TMEM9: variants seen among roughly 807,000 people sequenced by gnomAD.
TMEM9 encodes proton-transporting V-type ATPase complex assembly regulator TMEM9.
A neutral mutation model predicts 22.8 loss-of-function variants in TMEM9; 13 were observed. The observed-to-expected ratio is 0.57, with a 90% CI of 0.37 to 0.91. TMEM9 has a LOEUF of 0.91. TMEM9 is among the 40% of genes least tolerant of loss of function. The probability of loss-of-function intolerance (pLI) is 0.01; values close to 1 mark genes in which losing one functional copy is unlikely to be tolerated. For synonymous variants in TMEM9, 88 were observed against 93.0 expected (o/e 0.95, Z 0.31); for missense variants, 182 against 238.1 (o/e 0.76, Z 1.55).
chr1:201,143,990 A>G (rs3738266), intron 3 of TMEM9, 39 bp from the exon 4 acceptor site: 1,525,139 of 1,609,936 alleles, frequency 0.95, 722,724 homozygotes, highest in South Asian at 0.96. Context: ...CCATTATCTG[A>G]GGCCAGGGCT....
intron 4 of TMEM9, among the ~76,000 whole-genome samples, chr1:201,143,354 G>A (rs1267033566): frequency 6.6e-6 from 1 of 152,156 alleles, no homozygotes; most frequent in Non-Finnish European, 1.5e-5. Flanking sequence ...TTCCTCTTCC[G>A]CTCTTGAAAT....
At chr1:201,166,409 T>C (rs1274468908) in intron 1 of TMEM9, among the ~76,000 whole-genome samples, 2 of 151,088 alleles carry the variant, frequency 1.3e-5, no homozygotes, top group Admixed American at 6.6e-5. Flanking sequence ...TCACCCAGGC[T>C]AGAAATGCAG....
At chr1:201,153,734 G>A (rs1166874752) in intron 1 of TMEM9, 124 bp downstream of exon 1, 2 of 1,556,190 alleles carry the variant, frequency 1.3e-6, no homozygotes, top group Non-Finnish European at 1.7e-6. Flanking sequence ...ACTAAAAGAA[G>A]TATGGCCCAT....
At chr1:201,160,636 T>TA (rs1558120731) in intron 1 of TMEM9, among the ~76,000 whole-genome samples, 4 of 9,474 alleles carry the variant, frequency 4.2e-4, no homozygotes, top group Admixed American at 1.7e-3. Flanking sequence ...TTTTTTTTTT[T>TA]TAAAATCGAG....
intron 4 of TMEM9, among the ~76,000 whole-genome samples, 154 bp from the exon 5 acceptor site, chr1:201,135,969 G>A (rs563057263): frequency 6.6e-6 from 1 of 152,328 alleles, no homozygotes; most frequent in Admixed American, 6.5e-5. Context: ...TGAGGACCTT[G>A]CCTTGTCATC....
chr1:201,143,597 C>T (rs1206484803), intron 4 of TMEM9, among the ~76,000 whole-genome samples: 1 of 152,244 alleles, frequency 6.6e-6, no homozygotes, highest in Non-Finnish European at 1.5e-5. Context: ...ATGGCTCCCC[C>T]GGCTTGTACA....
At position 201,151,853 on chromosome 1, in the gene TMEM9, C is replaced by T; in HGVS notation, c.67-1G>A. 6.2e-7 allele frequency: 1 copy of T among 1,612,770 alleles called. No homozygotes were observed. Among genetic ancestry groups the T allele is most frequent in the Admixed American group, 1.7e-5 (1 of 60,014 alleles). On this transcript the variant is annotated splice_acceptor_variant, in intron 1 of 4. Transcript: ENST00000367330. LOFTEE classifies it high-confidence loss of function. ...ATTTGCACCGGATATCTTCAGAACTCTGGAAAAGAAAGCACATGTCAAGTA... is the reference window on the plus strand; with the variant it reads ...ATTTGCACCGGATATCTTCAGAACTTTGGAAAAGAAAGCACATGTCAAGTA...
At chr1:201,158,439 T>TGGGGGC (rs1300416255), upstream of TMEM9, among the ~76,000 whole-genome samples, 8 of 14,860 alleles carry the variant, frequency 5.4e-4, no homozygotes, top group East Asian at 0.016. Context: ...TGGTGGGGGG[T>TGGGGGC]GGGGGCGGGG....
chr1:201,160,721 A>G (rs1207383089), intron 1 of TMEM9, among the ~76,000 whole-genome samples: 3 of 152,130 alleles, frequency 2.0e-5, no homozygotes, highest in South Asian at 4.1e-4. Flanking sequence ...CAGATCACGA[A>G]GTCAGGAGAT....
At chr1:201,147,274 C>T (rs1307382884) in intron 2 of TMEM9, among the ~76,000 whole-genome samples, 1 of 152,158 alleles carries the variant, frequency 6.6e-6, no homozygotes, top group African/African-American at 2.4e-5. Flanking sequence ...GTGCATGTCC[C>T]ATAGAGACCA....
At chr1:201,144,553 G>T (rs1167859927) in intron 3 of TMEM9, 4 of 152,624 alleles carry the variant, frequency 2.6e-5, no homozygotes, top group African/African-American at 9.7e-5. Flanking sequence ...AAAGCCAAGG[G>T]TAGAACAACA....
chr1:201,156,867 C>A (rs1665810891), upstream of TMEM9, among the ~76,000 whole-genome samples: 1 of 152,184 alleles, frequency 6.6e-6, no homozygotes, highest in South Asian at 2.1e-4. Flanking sequence ...ACAGACAAAT[C>A]ACATGCAACT....
intron 1 of TMEM9, among the ~76,000 whole-genome samples, chr1:201,162,024 T>C (rs746564824): frequency 7.9e-5 from 12 of 152,248 alleles, no homozygotes; most frequent in Non-Finnish European, 1.5e-4. Context: ...TATAGGGTGA[T>C]TGAATAATAA....
intron 1 of TMEM9, among the ~76,000 whole-genome samples, chr1:201,162,385 C>T (rs1665968372): frequency 6.6e-6 from 1 of 152,020 alleles, no homozygotes; most frequent in Non-Finnish European, 1.5e-5. Flanking sequence ...AATCCTCCCA[C>T]CTCGGCCTCC....
rs144662228 is a variant in TMEM9, at chr1:201,137,471, AACACACACACACACACACACAC to A, written c.400-1678_400-1657del. ...AGGAATTATAGTTACCAAATTATCT[AACACACACACACACACACACAC>A]ACACACACACACACACACACACAGA... On this transcript the variant is annotated intron_variant, in intron 4 of 4. Coordinates refer to ENST00000367330, the MANE Select transcript of TMEM9 (RefSeq NM_001288565.2). 1.2e-4 allele frequency among the ~76,000 whole-genome samples: 17 copies of A among 146,562 alleles called. No homozygotes were observed. The South Asian group carries it at 1.3e-3, about 12-fold the overall frequency.
At chr1:201,138,264 G>A (rs1050204058) in intron 4 of TMEM9, among the ~76,000 whole-genome samples, 2 of 152,220 alleles carry the variant, frequency 1.3e-5, no homozygotes, top group Non-Finnish European at 2.9e-5. Context: ...GGAACATGCT[G>A]AAATTCACCA....
At chr1:201,149,619 T>TA (rs1260635404) in intron 2 of TMEM9, among the ~76,000 whole-genome samples, 3 of 152,136 alleles carry the variant, frequency 2.0e-5, no homozygotes, top group Non-Finnish European at 4.4e-5. Flanking sequence ...CACAGGAACA[T>TA]ACATGGCTTG....
upstream of TMEM9, among the ~76,000 whole-genome samples, chr1:201,158,323 T>C (rs1665855048): frequency 6.6e-6 from 1 of 151,824 alleles, no homozygotes; most frequent in Non-Finnish European, 1.5e-5. Flanking sequence ...AGCCACCAGG[T>C]TTATGGTAAT....
rs148009889 is a variant in TMEM9, at chr1:201,161,089, C to CA, written c.-36-7131dup. Among the ~76,000 whole-genome samples the CA allele has an allele frequency of 4.3e-3, 655 of 151,888 alleles. 4 individuals carry two copies. The highest frequency in any genetic ancestry group is 6.8e-3 in the Admixed American group (104 of 15,268). ...ATTGTATGCATAAGCGTCTTTTGGT[C>CA]AAAAAAACCCCTATATTTTCCAAAA... is the stretch of plus-strand genomic sequence containing the variant. On this transcript the variant is annotated intron_variant, in intron 1 of 5. Coordinates refer to the TMEM9 transcript ENST00000367333.
Sources: allele counts gnomAD v4.1 joint callset (sites outside exome capture counted in the v4.1 genomes callset), GRCh38; gene constraint gnomAD v4.1.1; transcripts MANE v1.5; gene names NCBI Gene and HGNC (gene_info 2026-07-23, HGNC 2026-07-21).